The following RBFOX1 variants were observed in gnomAD, a reference collection of about 807,000 sequenced individuals.
The protein encoded by RBFOX1 is RNA binding protein fox-1 homolog 1.
Under a neutral mutation model 57.7 loss-of-function variants are expected in RBFOX1, and 8 were observed. The observed-to-expected ratio is 0.14, with a 90% CI of 0.08 to 0.25. The LOEUF is 0.25. Among genes scored for constraint, RBFOX1 ranks in the 10% least tolerant of loss-of-function variants. The probability of loss-of-function intolerance (pLI) is 1.00; values close to 1 mark genes in which losing one functional copy is unlikely to be tolerated. For synonymous variants in RBFOX1, 326 were observed against 222.4 expected, an observed-to-expected ratio of 1.47 and a Z score of -4.15; for missense variants, 611 against 548.5, an observed-to-expected ratio of 1.11 and a Z score of -1.14.
rs924193236 is a variant in RBFOX1 at position 7,235,296 on chromosome 16, G to A, written c.27+183198G>A. 8.5e-5 allele frequency among the ~76,000 whole-genome samples: 13 copies of A among 152,166 alleles called. No homozygotes were observed. In the South Asian group the frequency reaches 1.7e-3, roughly 19 times the overall value. Reference sequence around the variant, plus strand: ...GAAAGAAAGCCACTTGTTCATTATTGACTAAGTGTGGCAACCAGTGTGACC... The same window carrying A: ...GAAAGAAAGCCACTTGTTCATTATTAACTAAGTGTGGCAACCAGTGTGACC... On this transcript the variant is annotated intron_variant, in intron 4 of 15. Transcript: ENST00000550418.
intron 1 of RBFOX1, among the ~76,000 whole-genome samples, chr16:6,162,163 G>A (rs1217680190): frequency 6.6e-6 from 1 of 152,162 alleles, no homozygotes; most frequent in Non-Finnish European, 1.5e-5. Flanking sequence ...TGTCACCCAG[G>A]CTGGAGTGCA....
chr16:5,666,163 C>G (rs147249442), intron 3 of RBFOX1, among the ~76,000 whole-genome samples: 1 of 152,230 alleles, frequency 6.6e-6, no homozygotes, highest in African/African-American at 2.4e-5. Flanking sequence ...TTGGGCACAT[C>G]CATCATGGAT....
chr16:5,541,865 C>T (rs771875958), intron 2 of RBFOX1, among the ~76,000 whole-genome samples: 2 of 152,046 alleles, frequency 1.3e-5, no homozygotes, highest in Non-Finnish European at 2.9e-5. Context: ...AAAGCATTGC[C>T]GTTCAGATCA....
intron 3 of RBFOX1, among the ~76,000 whole-genome samples, chr16:5,831,609 T>A (rs2151827989): frequency 6.6e-6 from 1 of 151,912 alleles, no homozygotes; most frequent in African/African-American, 2.4e-5. Flanking sequence ...CCTGCTGTAG[T>A]CTCCTGAGTA....
chr16:6,042,973 C>T (rs904063240), intron 1 of RBFOX1, among the ~76,000 whole-genome samples: 1 of 151,624 alleles, frequency 6.6e-6, no homozygotes, highest in African/African-American at 2.4e-5. Context: ...AATGCTTAGC[C>T]AGGCTTGGTG....
chr16:6,838,135 C>A (rs543511207), intron 3 of RBFOX1, among the ~76,000 whole-genome samples: 60 of 152,102 alleles, frequency 3.9e-4, no homozygotes, highest in African/African-American at 1.3e-3. Flanking sequence ...AGGTTTAAAG[C>A]CCCACATGCA....
At chr16:5,659,441 C>T (rs1295113713) in intron 3 of RBFOX1, among the ~76,000 whole-genome samples, 1 of 151,536 alleles carries the variant, frequency 6.6e-6, no homozygotes. Flanking sequence ...GTAGCTGGGA[C>T]TACAGGTGCC....
intron 2 of RBFOX1, among the ~76,000 whole-genome samples, chr16:6,458,232 T>C (rs1478128958): frequency 6.6e-6 from 1 of 152,154 alleles, no homozygotes; most frequent in Non-Finnish European, 1.5e-5. Flanking sequence ...ATGAAGTTTT[T>C]TACCTTGCTG....
intron 3 of RBFOX1, among the ~76,000 whole-genome samples, chr16:5,816,739 G>A (rs1218998492): frequency 3.3e-5 from 5 of 152,112 alleles, no homozygotes; most frequent in South Asian, 4.2e-4. Context: ...AGCCATGATC[G>A]TCCCACTGTA....
chr16:7,021,222 G>A (rs1241517458), intron 3 of RBFOX1, among the ~76,000 whole-genome samples: 1 of 151,768 alleles, frequency 6.6e-6, no homozygotes, highest in African/African-American at 2.4e-5. Context: ...GTAAATTGTT[G>A]TTTCTTATGT....
chr16:6,675,063 A>T (rs930220770), intron 3 of RBFOX1, among the ~76,000 whole-genome samples: 1 of 151,772 alleles, frequency 6.6e-6, no homozygotes. Flanking sequence ...GTGCCACCAC[A>T]CCCACTAATT....
intron 3 of RBFOX1, among the ~76,000 whole-genome samples, chr16:6,945,949 C>A (rs905689555): frequency 2.6e-5 from 4 of 152,194 alleles, no homozygotes; most frequent in Non-Finnish European, 4.4e-5. Flanking sequence ...TTTACCATTT[C>A]AAGGCATTCT....
chr16:6,511,933 A>G (rs578247540), intron 2 of RBFOX1, among the ~76,000 whole-genome samples: 1 of 152,084 alleles, frequency 6.6e-6, no homozygotes, highest in Non-Finnish European at 1.5e-5. Flanking sequence ...TTATGTCAGT[A>G]TTTCATAACA....
intron 4 of RBFOX1, among the ~76,000 whole-genome samples, chr16:7,408,789 G>T (rs1036548975): frequency 4.6e-5 from 7 of 152,082 alleles, no homozygotes. Flanking sequence ...CTCCCTCCTT[G>T]TTGTGTTGTT....
At chr16:7,476,420 A>G (rs1036697503) in intron 4 of RBFOX1, among the ~76,000 whole-genome samples, 3 of 152,222 alleles carry the variant, frequency 2.0e-5, no homozygotes, top group Admixed American at 6.5e-5. Context: ...GCTTTGAAAA[A>G]TGCCTGACAC....
chr16:5,686,839 T>C (rs986255978), intron 3 of RBFOX1, among the ~76,000 whole-genome samples: 3 of 152,344 alleles, frequency 2.0e-5, no homozygotes, highest in African/African-American at 7.2e-5. Flanking sequence ...AAGTCATAAA[T>C]TGTTGACTTT....
Position 7,590,752 on chromosome 16 carries a change from G to A in RBFOX1, c.468+3452G>A, listed in dbSNP as rs556545568. Among the ~76,000 whole-genome samples, 151 of 151,726 alleles carry A rather than the reference G, an allele frequency of 1.0e-3. 1 individual carries two copies. Among genetic ancestry groups the A allele is most frequent in the African/African-American group, 3.4e-3 (140 of 41,366 alleles). Reference sequence around the variant, plus strand: ...TGCATGCCTGTAATCCCAGCTACTCGGGAGGCTGAGGCAGGAGAATCACTT... The same window carrying A: ...TGCATGCCTGTAATCCCAGCTACTCAGGAGGCTGAGGCAGGAGAATCACTT... On this transcript the variant is annotated intron_variant, in intron 7 of 15. Coordinates refer to ENST00000550418, the MANE Select transcript of RBFOX1 (RefSeq NM_018723.4).
intron 4 of RBFOX1, among the ~76,000 whole-genome samples, chr16:7,346,048 A>T (rs529863195): frequency 1.3e-5 from 2 of 152,058 alleles, no homozygotes; most frequent in Non-Finnish European, 2.9e-5. Context: ...TCATTGTTCA[A>T]TTCCCACCTG....
chr16:6,165,638 C>T (rs961844813), intron 1 of RBFOX1, among the ~76,000 whole-genome samples: 1 of 152,210 alleles, frequency 6.6e-6, no homozygotes, highest in Non-Finnish European at 1.5e-5. Flanking sequence ...AACAGTTCTG[C>T]CTGCTTCGTT....
Sources: gnomAD v4.1 joint callset for allele counts (sites outside exome capture counted in the v4.1 genomes callset) on GRCh38, gnomAD v4.1.1 for gene constraint, MANE v1.5 for transcripts, NCBI Gene and HGNC (gene_info 2026-07-23, HGNC 2026-07-21) for gene names.